Variants in JPH3 observed in about 807,000 individuals in gnomAD.
JPH3 encodes junctophilin-3.
JPH3 carries 11 observed loss-of-function variants against 59.6 expected under a neutral mutation model. The ratio of observed to expected loss-of-function variants is 0.18; its 90% CI spans 0.12 to 0.31. The LOEUF (loss-of-function observed/expected upper bound fraction) is 0.31, where lower values mean the gene tolerates loss of function less well. Ranked by LOEUF, JPH3 falls within the 10% of genes least tolerant of loss-of-function variation. JPH3 has a pLI of 1.00. For missense variants in JPH3, 1,202 were observed against 1,105.7 expected (o/e 1.09, Z -1.24); for synonymous variants, 673 against 483.6 (o/e 1.39, Z -5.14).
chr16:87,603,502 A>G lies in JPH3; in HGVS notation c.356A>G (p.Tyr119Cys). The G allele has an allele frequency of 6.5e-7, 1 of 1,549,848 alleles. No individual in the cohort carries two copies. The highest frequency in any genetic ancestry group is 8.7e-7 in the Non-Finnish European group (1 of 1,147,548). Residue 119 changes from tyrosine to cysteine, a missense_variant, in exon 1 of 5, where the codon TAC becomes TGC. By Grantham distance (194) the Tyr-to-Cys change is radical. Transcript: ENST00000284262. ...GTWSNGLQDGYGTETYSDGGT... is the reference protein window; with the variant it reads ...GTWSNGLQDGCGTETYSDGGT... Reference sequence around the variant, plus strand: ...TGGAGCAACGGGCTGCAGGACGGCTACGGGACCGAGACCTACTCGGACGGA... The same window carrying G: ...TGGAGCAACGGGCTGCAGGACGGCTGCGGGACCGAGACCTACTCGGACGGA...
intron 4 of JPH3, among the ~76,000 whole-genome samples, chr16:87,691,321 T>C (rs1031125393): frequency 2.6e-5 from 4 of 152,200 alleles, no homozygotes; most frequent in African/African-American, 9.6e-5. Context: ...AATGAAGGGC[T>C]GTGGGACGGT....
chr16:87,625,515 G>A (rs2031340439), intron 1 of JPH3, among the ~76,000 whole-genome samples: 1 of 152,198 alleles, frequency 6.6e-6, no homozygotes, highest in South Asian at 2.1e-4. Context: ...CCCCTGAGCA[G>A]GAGGAGCAGG....
intron 1 of JPH3, among the ~76,000 whole-genome samples, chr16:87,626,807 G>C (rs2031395371): frequency 6.6e-6 from 1 of 152,210 alleles, no homozygotes; most frequent in Non-Finnish European, 1.5e-5. Context: ...CTTCACTCAG[G>C]CACAGCTCTT....
chr16:87,654,756 C>T (rs1057162185), intron 2 of JPH3: 4 of 152,280 alleles, frequency 2.6e-5, no homozygotes, highest in African/African-American at 9.6e-5. Flanking sequence ...GCGCAGTAAG[C>T]TGCAGGGGCT....
At chr16:87,685,166 G>C (rs992195034) in intron 3 of JPH3, among the ~76,000 whole-genome samples, 2 of 152,152 alleles carry the variant, frequency 1.3e-5, no homozygotes, top group African/African-American at 4.8e-5. Flanking sequence ...CCCCTGACTG[G>C]AACGCGAGAC....
intron 1 of JPH3, among the ~76,000 whole-genome samples, chr16:87,620,438 G>C (rs1033433410): frequency 1.4e-5 from 2 of 139,210 alleles, no homozygotes; most frequent in African/African-American, 5.3e-5. Flanking sequence ...TGGGAGGGGA[G>C]GGAGAGAGAG....
chr16:87,647,817 G>T (rs2032203132), intron 2 of JPH3, among the ~76,000 whole-genome samples: 1 of 152,234 alleles, frequency 6.6e-6, no homozygotes, highest in African/African-American at 2.4e-5. Flanking sequence ...CAGGTCACTG[G>T]AACTTAAAGT....
chr16:87,636,497 G>T (rs143537714), intron 1 of JPH3, among the ~76,000 whole-genome samples: 1 of 152,194 alleles, frequency 6.6e-6, no homozygotes, highest in Non-Finnish European at 1.5e-5. Context: ...CAACTGCGGC[G>T]AGCGTGGAGG....
chr16:87,621,054 G>A (rs1203901354), intron 1 of JPH3, among the ~76,000 whole-genome samples: 2 of 152,226 alleles, frequency 1.3e-5, no homozygotes, highest in Non-Finnish European at 2.9e-5. Context: ...AGCTACTCAG[G>A]AGGCTGAGAC....
intron 1 of JPH3, among the ~76,000 whole-genome samples, chr16:87,638,425 C>A (rs1049541976): frequency 6.6e-5 from 10 of 152,110 alleles, no homozygotes; most frequent in South Asian, 2.1e-4. Flanking sequence ...GGCCGGAACG[C>A]CAGAGGCTAC....
intron 1 of JPH3, among the ~76,000 whole-genome samples, chr16:87,615,657 C>G (rs571981641): frequency 4.1e-4 from 62 of 152,296 alleles, no homozygotes; most frequent in African/African-American, 1.3e-3. Flanking sequence ...GCATCTGGGT[C>G]GCCTGACCCG....
At chr16:87,665,980 A>C (rs1160297036) in intron 2 of JPH3, among the ~76,000 whole-genome samples, 1 of 152,230 alleles carries the variant, frequency 6.6e-6, no homozygotes, top group African/African-American at 2.4e-5. Flanking sequence ...ACCAGGTACT[A>C]AACCAGGGTG....
intron 2 of JPH3, among the ~76,000 whole-genome samples, chr16:87,647,075 A>T (rs1160437148): frequency 6.6e-6 from 1 of 152,076 alleles, no homozygotes; most frequent in Non-Finnish European, 1.5e-5. Flanking sequence ...AAGGCCTGTG[A>T]AGCTTAGGTG....
intron 1 of JPH3, among the ~76,000 whole-genome samples, chr16:87,638,789 A>G (rs992050519): frequency 3.4e-4 from 52 of 152,152 alleles, no homozygotes; most frequent in African/African-American, 1.3e-3. Context: ...AGTGCTGAGA[A>G]TTCAGGGACA....
intron 1 of JPH3, among the ~76,000 whole-genome samples, chr16:87,629,422 GT>G (rs11343784): frequency 0.18 from 26,273 of 145,494 alleles, 2,470 homozygotes; most frequent in Non-Finnish European, 0.23. Context: ...ATCTTTGTGG[GT>G]TTTTTTTTTT....
intron 1 of JPH3, among the ~76,000 whole-genome samples, chr16:87,621,332 C>CT (rs1268652853): frequency 2.6e-5 from 4 of 152,178 alleles, no homozygotes; most frequent in Non-Finnish European, 5.9e-5. Flanking sequence ...ATCCTATAGA[C>CT]GGAGTCCGGG....
intron 1 of JPH3, among the ~76,000 whole-genome samples, chr16:87,626,594 A>T (rs2031383267): frequency 6.6e-6 from 1 of 152,212 alleles, no homozygotes; most frequent in Admixed American, 6.5e-5. Flanking sequence ...GCTCCAAGCC[A>T]CACCCCGAGT....
chr16:87,642,836 CAG>C (rs1218018717), intron 1 of JPH3, among the ~76,000 whole-genome samples: 1 of 152,234 alleles, frequency 6.6e-6, no homozygotes, highest in Non-Finnish European at 1.5e-5. Context: ...TCACAGCTCA[CAG>C]AGCAAGACAT....
intron 2 of JPH3, among the ~76,000 whole-genome samples, chr16:87,661,746 G>A (rs62053817): frequency 0.053 from 8,144 of 152,338 alleles, 288 homozygotes; most frequent in Non-Finnish European, 0.08. Context: ...AGGCCGCCAC[G>A]GGGCGGGGAG....
Sources: allele counts gnomAD v4.1 joint callset (sites outside exome capture counted in the v4.1 genomes callset), GRCh38; gene constraint gnomAD v4.1.1; transcripts MANE v1.5; gene names NCBI Gene and HGNC (gene_info 2026-07-23, HGNC 2026-07-21).